The following UBE4B variants were observed in gnomAD, a reference collection of about 807,000 sequenced individuals.
UBE4B encodes the protein ubiquitin conjugation factor E4 B.
UBE4B carries 27 observed loss-of-function variants against 148.1 expected under a neutral mutation model. The observed-to-expected ratio is 0.18, with a 90% confidence interval of 0.13 to 0.25. The LOEUF is 0.25. UBE4B is among the 10% of genes least tolerant of loss of function. The pLI is 1.00. For synonymous variants in UBE4B, 596 were observed against 619.3 expected, an observed-to-expected ratio of 0.96 and a Z score of 0.56; for missense variants, 1,170 against 1,662.4, an observed-to-expected ratio of 0.70 and a Z score of 5.15.
In UBE4B at chr1:10,095,557, C is replaced by G; in HGVS notation, c.308C>G (p.Ser103Cys). The change falls in exon 3 of 28, where the codon TCC (serine) becomes TGC (cysteine). Residue 103 changes from serine to cysteine, a missense_variant. Ser to Cys is a moderately radical substitution (Grantham distance 112). Around this residue, in one of 6 missense-constraint regions of UBE4B, gnomAD observed 127 missense variants for 153.2 expected, o/e 0.83. Transcript: ENST00000343090. ...ACGCAATCTCAGTCTCTCTCACGTT[C>G]CCAGAGCATGGATATCGATGGTGTC... ...LETQSQSLSR[S>C]QSMDIDGVSC... The G allele has an allele frequency of 2.5e-6, 4 of 1,614,092 alleles. No individual in the cohort carries two copies. Among genetic ancestry groups the G allele is most frequent in the Non-Finnish European group, 3.4e-6 (4 of 1,180,028 alleles).
chr1:10,080,551 C>T (rs961905226), intron 2 of UBE4B, among the ~76,000 whole-genome samples: 3 of 152,112 alleles, frequency 2.0e-5, no homozygotes, highest in African/African-American at 7.2e-5. Context: ...ATCTGGCAGT[C>T]CCACTGAGTA....
At chr1:10,042,287 T>C (rs1295806947) in intron 1 of UBE4B, among the ~76,000 whole-genome samples, 1 of 152,208 alleles carries the variant, frequency 6.6e-6, no homozygotes, top group African/African-American at 2.4e-5. Context: ...TACAGTTGAC[T>C]AGCTGCATCC....
At chr1:10,043,832 T>C (rs146806000) in intron 1 of UBE4B, among the ~76,000 whole-genome samples, 4 of 152,330 alleles carry the variant, frequency 2.6e-5, no homozygotes, top group African/African-American at 9.6e-5. Flanking sequence ...TACCTGTTCA[T>C]GTAATCACCC....
chr1:10,105,414 GAT>G, intron 5 of UBE4B, 100 bp from the exon 6 acceptor site: 1 of 914,236 alleles, frequency 1.1e-6, no homozygotes, highest in South Asian at 1.5e-5. Context: ...TCTAATCCAG[GAT>G]ACTGCATCGA....
intron 2 of UBE4B, among the ~76,000 whole-genome samples, chr1:10,088,761 G>A (rs1371558930): frequency 6.7e-6 from 1 of 149,758 alleles, no homozygotes; most frequent in Non-Finnish European, 1.5e-5. Flanking sequence ...CTCACTGCAA[G>A]CTTGACCTCT....
At chr1:10,130,361 G>T (rs774144479) in intron 12 of UBE4B, 139 bp from the exon 13 acceptor site, 41 of 787,708 alleles carry the variant, frequency 5.2e-5, no homozygotes, top group Middle Eastern at 7.8e-4. Flanking sequence ...GATTACAGGC[G>T]TGAGCCACCA....
chr1:10,123,229 G>A (rs777322737), intron 10 of UBE4B, among the ~76,000 whole-genome samples: 72 of 151,934 alleles, frequency 4.7e-4, no homozygotes, highest in Non-Finnish European at 7.6e-4. Context: ...TCAGGAGTTC[G>A]AGACCAGCCT....
At chr1:10,141,105 C>T (rs911213588) in intron 17 of UBE4B, among the ~76,000 whole-genome samples, 1 of 152,180 alleles carries the variant, frequency 6.6e-6, no homozygotes, top group African/African-American at 2.4e-5. Context: ...CATTCCCATA[C>T]ATAATCCTAC....
chr1:10,097,352 GA>G (rs1234926107), intron 3 of UBE4B, among the ~76,000 whole-genome samples: 1 of 150,908 alleles, frequency 6.6e-6, no homozygotes, highest in African/African-American at 2.4e-5. Context: ...CTTTAAAAAA[GA>G]AAAAAAAGAC....
intron 21 of UBE4B, among the ~76,000 whole-genome samples, chr1:10,158,060 G>C (rs1011413409): frequency 1.3e-5 from 2 of 152,096 alleles, no homozygotes; most frequent in African/African-American, 4.8e-5. Flanking sequence ...TTAGGTGGGG[G>C]GAGTATGATA....
At chr1:10,042,080 G>A (rs1010866211) in intron 1 of UBE4B, among the ~76,000 whole-genome samples, 2 of 152,138 alleles carry the variant, frequency 1.3e-5, no homozygotes, top group African/African-American at 4.8e-5. Context: ...GATTACAGGC[G>A]CCCGCCGCCA....
intron 17 of UBE4B, among the ~76,000 whole-genome samples, chr1:10,143,739 G>A (rs1645821250): frequency 6.6e-6 from 1 of 152,210 alleles, no homozygotes; most frequent in Non-Finnish European, 1.5e-5. Flanking sequence ...AAGCAGAAAG[G>A]GGAACTAGTT....
intron 2 of UBE4B, among the ~76,000 whole-genome samples, chr1:10,089,226 C>T (rs1644810218): frequency 6.6e-6 from 1 of 151,896 alleles, no homozygotes; most frequent in African/African-American, 2.4e-5. Context: ...AGGATGGTTT[C>T]GATCTCTTGA....
intron 7 of UBE4B, among the ~76,000 whole-genome samples, chr1:10,115,853 A>G (rs1193715612): frequency 6.6e-6 from 1 of 152,240 alleles, no homozygotes; most frequent in Non-Finnish European, 1.5e-5. Context: ...TTAGATGCTT[A>G]TGCCAATTAT....
chr1:10,174,755 G>A (rs1646392405), intron 25 of UBE4B, among the ~76,000 whole-genome samples: 1 of 151,540 alleles, frequency 6.6e-6, no homozygotes, highest in Admixed American at 6.6e-5. Context: ...TGTGGTGTGT[G>A]TGCTGATTGT....
intron 25 of UBE4B, among the ~76,000 whole-genome samples, chr1:10,174,650 C>T (rs35252601): frequency 0.033 from 4,814 of 146,896 alleles, 215 homozygotes; most frequent in African/African-American, 0.1. Context: ...TGCAGTGAGC[C>T]GAGATCGTGC....
intron 1 of UBE4B, among the ~76,000 whole-genome samples, chr1:10,048,174 CT>C (rs146766530): frequency 0.013 from 1,982 of 152,204 alleles, 39 homozygotes; most frequent in African/African-American, 0.045. Context: ...AGGCAACTAG[CT>C]TTTCTACCAC....
At chr1:10,105,904 T>C (rs929249171) in intron 6 of UBE4B, among the ~76,000 whole-genome samples, 160 bp downstream of exon 6, 1 of 152,184 alleles carries the variant, frequency 6.6e-6, no homozygotes, top group Admixed American at 6.5e-5. Context: ...GGAATTCTCT[T>C]TTCTAGATTA....
chr1:10,107,714 A>G (rs1223664563), intron 7 of UBE4B, among the ~76,000 whole-genome samples: 1 of 151,442 alleles, frequency 6.6e-6, no homozygotes, highest in African/African-American at 2.4e-5. Flanking sequence ...AGTAGCTGGG[A>G]TTACAGGCAC....
Sources: gnomAD v4.1 joint callset for allele counts (sites outside exome capture counted in the v4.1 genomes callset) on GRCh38, gnomAD v4.1.1 for gene constraint, gnomAD v4.1.1 regional missense constraint, MANE v1.5 for transcripts, NCBI Gene and HGNC (gene_info 2026-07-23, HGNC 2026-07-21) for gene names.